Variants in ATM observed in about 807,000 individuals in gnomAD.
ATM encodes ATM serine/threonine kinase.
In ATM, 308 loss-of-function variants were observed where a neutral mutation model predicts 387.0. The ratio of observed to expected loss-of-function variants is 0.80; its 90% CI spans 0.73 to 0.87. The LOEUF is 0.87. Among genes scored for constraint, ATM ranks in the 40% least tolerant of loss-of-function variants. ATM has a pLI of 0.00. For missense variants in ATM, 3,312 were observed against 3,560.9 expected, an observed-to-expected ratio of 0.93 and a Z score of 1.78; for synonymous variants, 1,156 against 1,187.3, an observed-to-expected ratio of 0.97 and a Z score of 0.54.
chr11:108,326,276 C>T (rs756147757), intron 47 of ATM, 51 bp downstream of exon 47: 1 of 1,593,874 alleles, frequency 6.3e-7, no homozygotes, highest in African/African-American at 1.3e-5. Context: ...TTTAAAAAAA[C>T]ACAAATGTAC....
chr11:108,349,554 T>C (rs886409032), intron 59 of ATM, among the ~76,000 whole-genome samples: 3 of 152,074 alleles, frequency 2.0e-5, no homozygotes, highest in Non-Finnish European at 2.9e-5. Context: ...TCCCAGCTAC[T>C]TGGGAGGCTG....
At chr11:108,341,709 C>A (rs1025719734) in intron 56 of ATM, among the ~76,000 whole-genome samples, 3 of 151,986 alleles carry the variant, frequency 2.0e-5, no homozygotes, top group Non-Finnish European at 4.4e-5. Flanking sequence ...ATATAAAGAA[C>A]AAGGGATTTA....
In ATM at chr11:108,353,760, C is replaced by A. The variant is rs1555142794; in HGVS notation, c.8672-6C>A. 1 of 1,591,284 alleles carries A rather than the reference C, an allele frequency of 6.3e-7. No individual in the cohort carries two copies. Among genetic ancestry groups the A allele is most frequent in the South Asian group, 1.1e-5 (1 of 90,578 alleles). ...CCTCCTAACTTCACTGTATTCTTTACTTTAGGTGTTGCTTTTGAACAGGGC... is the reference window on the plus strand; with the variant it reads ...CCTCCTAACTTCACTGTATTCTTTAATTTAGGTGTTGCTTTTGAACAGGGC... On this transcript the variant is annotated splice_polypyrimidine_tract_variant and splice_region_variant and intron_variant, in intron 59 of 62. Transcript: ENST00000675843.
In ATM at chr11:108,284,224, T is replaced by C; in HGVS notation, c.3747-3T>C. ...CCTGTATTTTAAATTTTTCTATTTT[T>C]AGATCTTGTTATAAGGTTTTGATTC... On this transcript the variant is annotated splice_region_variant and splice_polypyrimidine_tract_variant and intron_variant, in intron 25 of 62. Coordinates refer to ENST00000675843, the MANE Select transcript of ATM (RefSeq NM_000051.4). 6.2e-7 allele frequency: 1 copy of C among 1,601,194 alleles called. No homozygotes were observed. The highest frequency in any genetic ancestry group is 2.2e-5 in the East Asian group (1 of 44,718).
At chr11:108,301,563 G>A (rs2135909543) in intron 34 of ATM, 85 bp from the exon 35 acceptor site, 1 of 1,552,180 alleles carries the variant, frequency 6.4e-7, no homozygotes, top group Non-Finnish European at 8.8e-7. Context: ...TTAAATTTTA[G>A]TTTTGAAATT....
intron 61 of ATM, among the ~76,000 whole-genome samples, chr11:108,359,276 G>C (rs1229675659): frequency 1.3e-5 from 2 of 151,232 alleles, no homozygotes; most frequent in Non-Finnish European, 3.0e-5. Context: ...CCCAATACAG[G>C]AGCACCCAGA....
At chr11:108,364,261 A>G (rs1341700320) in intron 61 of ATM, among the ~76,000 whole-genome samples, 1 of 152,214 alleles carries the variant, frequency 6.6e-6, no homozygotes, top group Non-Finnish European at 1.5e-5. Flanking sequence ...CTGTAGAATC[A>G]TTCTTTATAT....
chr11:108,251,972 A>G lies in ATM; in HGVS notation c.1743A>G (p.Leu581=), dbSNP rs745678414. Residue 581 remains leucine, a synonymous_variant, in exon 11 of 63, where the codon TTA becomes TTG. Transcript: ENST00000675843. ...AGGAATCAATAATGAAATGGCTCTT[A>G]TTCTATCAGTTAGAGGGTGACTTAG... The part of the protein sequence containing the change: ...SLKESIMKWL[L]FYQLEGDLEN... 6.2e-7 allele frequency: 1 copy of G among 1,613,814 alleles called. No individual in the cohort carries two copies. The highest frequency in any genetic ancestry group is 8.5e-7 in the Non-Finnish European group (1 of 1,179,808).
At chr11:108,262,143 A>G (rs1271191463) in intron 16 of ATM, among the ~76,000 whole-genome samples, 1 of 152,140 alleles carries the variant, frequency 6.6e-6, no homozygotes, top group African/African-American at 2.4e-5. Context: ...TGCCACAAAG[A>G]TACTCCTCGA....
Position 108,367,588 on chromosome 11 carries a change from C to T in ATM, c.*2080C>T, listed in dbSNP as rs142456486. Reference sequence around the variant, plus strand: ...TGTTCATCCCAGCTGCGGAGATTAACAAATGGGTGATTGAGCTTTCTCCTC... The same window carrying T: ...TGTTCATCCCAGCTGCGGAGATTAATAAATGGGTGATTGAGCTTTCTCCTC... On this transcript the variant is annotated 3_prime_UTR_variant, in exon 63 of 63. Transcript: ENST00000675843. 6.6e-3 allele frequency: 1,365 copies of T among 207,382 alleles called. 13 individuals carry two copies. The highest frequency in any genetic ancestry group is 0.024 in the African/African-American group (1,077 of 43,980). 12.8% of individuals were successfully genotyped at this position (207,382 alleles called of 1,614,324 possible).
chr11:108,330,937 T>A (rs1163537907), intron 50 of ATM, among the ~76,000 whole-genome samples: 1 of 152,234 alleles, frequency 6.6e-6, no homozygotes, highest in African/African-American at 2.4e-5. Flanking sequence ...ACACCTAATA[T>A]TAAATTTAAG....
At chr11:108,335,352 AGACAT>A in intron 55 of ATM, 1 of 1,236,794 alleles carries the variant, frequency 8.1e-7, no homozygotes, top group East Asian at 3.0e-5. Flanking sequence ...TAACATGTAC[AGACAT>A]GTACAGTGAG....
intron 29 of ATM, 179 bp downstream of exon 29, chr11:108,289,980 G>A: frequency 3.5e-6 from 2 of 573,196 alleles, no homozygotes; most frequent in Non-Finnish European, 3.0e-6. Flanking sequence ...TCCTCACCCT[G>A]CCGGGTAGCT....
Position 108,289,736 on chromosome 11 carries a change from AG to A in ATM, c.4373del (p.Gly1458GlufsTer15), listed in dbSNP as rs587781653. ...TACTGAAAGATATAAAAAGTGGCTT[AG>A]GAGGAGCTTGGGCCTTTGTTCTTCG... ...LLLKDIKSGL[G>X]GAWAFVLRDV... On this transcript the variant is annotated frameshift_variant, in exon 29 of 63. Transcript: ENST00000675843. LOFTEE classifies it high-confidence loss of function. 3.7e-6 allele frequency: 6 copies of A among 1,613,812 alleles called. No homozygotes were observed. Among genetic ancestry groups the A allele is most frequent in the Non-Finnish European group, 4.2e-6 (5 of 1,179,988 alleles).
rs2135264840 is a variant in ATM at position 108,246,979 on chromosome 11, CAA to C, written c.920_921del (p.Lys307MetfsTer10). 1 of 1,610,936 alleles carries C rather than the reference CAA, an allele frequency of 6.2e-7. No homozygotes were observed. The highest frequency in any genetic ancestry group is 2.2e-5 in the East Asian group (1 of 44,776). On this transcript the variant is annotated frameshift_variant, in exon 8 of 63. Coordinates refer to ENST00000675843, the MANE Select transcript of ATM (RefSeq NM_000051.4). LOFTEE classifies it high-confidence loss of function. ...TGGATTACAGGTGCTTATGAATCAACAAAATGGAGAAGTATTTTATACAACTT... is the reference window on the plus strand; with the variant it reads ...TGGATTACAGGTGCTTATGAATCAACAATGGAGAAGTATTTTATACAACTT...
chr11:108,235,264 C>G (rs2079207985), intron 4 of ATM, among the ~76,000 whole-genome samples: 1 of 150,798 alleles, frequency 6.6e-6, no homozygotes, highest in South Asian at 2.1e-4. Context: ...CCACTGCACT[C>G]CAGCCTGGGT....
At chr11:108,316,657 C>G (rs1260349704) in intron 42 of ATM, among the ~76,000 whole-genome samples, 1 of 151,646 alleles carries the variant, frequency 6.6e-6, no homozygotes, top group Admixed American at 6.6e-5. Flanking sequence ...CGCCTGTAAT[C>G]CCAGCACTTT....
At chr11:108,329,283 C>T (rs2086010824) in intron 49 of ATM, 45 bp downstream of exon 49, 2 of 1,513,966 alleles carry the variant, frequency 1.3e-6, no homozygotes, top group East Asian at 4.7e-5. Context: ...CACCAGTTAA[C>T]TGAGTGAGTG....
intron 16 of ATM, among the ~76,000 whole-genome samples, chr11:108,265,313 C>G (rs189429673): frequency 0.011 from 1,682 of 152,144 alleles, 14 homozygotes; most frequent in Non-Finnish European, 0.02. Flanking sequence ...GAACAGAGCC[C>G]TCAGAAATAA....
Sources: allele counts gnomAD v4.1 joint callset (sites outside exome capture counted in the v4.1 genomes callset), GRCh38; gene constraint gnomAD v4.1.1; transcripts MANE v1.5; gene names NCBI Gene and HGNC (gene_info 2026-07-23, HGNC 2026-07-21).